The following STPG2 variants were observed in gnomAD, a reference collection of about 807,000 sequenced individuals.
STPG2 encodes the protein sperm tail PG-rich repeat containing 2.
A neutral mutation model predicts 54.2 loss-of-function variants in STPG2; 56 were observed. The ratio of observed to expected loss-of-function variants is 1.03; its 90% CI spans 0.83 to 1.29. STPG2 has a LOEUF of 1.29. STPG2 is among the 50% of genes most tolerant of loss of function. STPG2 has a pLI of 0.00. For synonymous variants in STPG2, 200 were observed against 181.8 expected, an observed-to-expected ratio of 1.10 and a Z score of -0.81; for missense variants, 596 against 544.9, an observed-to-expected ratio of 1.09 and a Z score of -0.93.
At position 97,531,739 on chromosome 4, in the gene STPG2, T is replaced by C. The variant is rs149279850; in HGVS notation, c.462+180960A>G. Among the ~76,000 whole-genome samples, 635 of 152,240 alleles carry C rather than the reference T, an allele frequency of 4.2e-3. 3 individuals are homozygous for C. Among genetic ancestry groups the C allele is most frequent in the South Asian group, 0.021 (99 of 4,828 alleles). On this transcript the variant is annotated intron_variant, in intron 4 of 4. Transcript: ENST00000522676. Reference sequence around the variant, plus strand: ...AGGGTAATGGGGGGATTGGAGGATATGTGGGAATGGTCAATGGGTACAAAA... The same window carrying C: ...AGGGTAATGGGGGGATTGGAGGATACGTGGGAATGGTCAATGGGTACAAAA...
At chr4:97,568,937 T>C (rs1732528025) in intron 10 of STPG2, among the ~76,000 whole-genome samples, 1 of 151,750 alleles carries the variant, frequency 6.6e-6, no homozygotes, top group Non-Finnish European at 1.5e-5. Flanking sequence ...TTTGCAGTTG[T>C]TACTGGAAAG....
chr4:97,738,491 G>A (rs1725102496), intron 9 of STPG2, among the ~76,000 whole-genome samples: 1 of 152,054 alleles, frequency 6.6e-6, no homozygotes, highest in African/African-American at 2.4e-5. Flanking sequence ...GACACACATA[G>A]GCTCAAAATA....
At chr4:97,713,289 T>C (rs1362287215) in intron 9 of STPG2, among the ~76,000 whole-genome samples, 2 of 152,172 alleles carry the variant, frequency 1.3e-5, no homozygotes, top group East Asian at 3.9e-4. Flanking sequence ...AGTAAACAGA[T>C]GGTTTGCATG....
At chr4:97,847,979 AT>A (rs1432447773) in intron 8 of STPG2, among the ~76,000 whole-genome samples, 1 of 152,198 alleles carries the variant, frequency 6.6e-6, no homozygotes, top group African/African-American at 2.4e-5. Flanking sequence ...CTAACTGCTT[AT>A]TTTAGCTTTA....
In STPG2 at chr4:97,950,708, G is replaced by A. The variant is rs145567504; in HGVS notation, c.934-6701C>T. Among the ~76,000 whole-genome samples, 300 of 152,200 alleles carry A rather than the reference G, an allele frequency of 2.0e-3. 1 individual carries two copies. The highest frequency in any genetic ancestry group is 7.0e-3 in the African/African-American group (291 of 41,520). ...ACTTCATCTTTCTTCTGACCTCCAC[G>A]CTGTCCATGTTCATTGCTGGGCATA... On this transcript the variant is annotated intron_variant, in intron 7 of 10. Coordinates refer to ENST00000295268, the MANE Select transcript of STPG2 (RefSeq NM_174952.3).
At chr4:97,755,194 G>T (rs116149257) in intron 9 of STPG2, among the ~76,000 whole-genome samples, 2 of 151,976 alleles carry the variant, frequency 1.3e-5, no homozygotes, top group African/African-American at 2.4e-5. Flanking sequence ...ATTATATTTT[G>T]TCAGATATAA....
chr4:97,973,773 C>CG (rs1007233174), intron 6 of STPG2, among the ~76,000 whole-genome samples: 1 of 130 alleles, frequency 7.7e-3, no homozygotes, highest in Non-Finnish European at 0.013. Flanking sequence ...AGGGTGCAAG[C>CG]CCAAGCCTTG....
intron 10 of STPG2, among the ~76,000 whole-genome samples, chr4:97,563,295 T>G (rs1236358329): frequency 2.0e-5 from 3 of 150,404 alleles, no homozygotes. Flanking sequence ...GATATCCCCT[T>G]TGTCATTTTT....
intron 10 of STPG2, among the ~76,000 whole-genome samples, chr4:97,584,532 C>A (rs915700717): frequency 3.3e-5 from 5 of 151,914 alleles, no homozygotes. Flanking sequence ...TAACAAAGAT[C>A]AGAGCAGAAC....
chr4:97,900,418 C>T (rs970003335), intron 8 of STPG2, among the ~76,000 whole-genome samples: 7 of 151,898 alleles, frequency 4.6e-5, no homozygotes, highest in Admixed American at 1.3e-4. Context: ...ATCCCATTAC[C>T]GGGTATATTC....
chr4:97,981,374 C>A lies in STPG2; in HGVS notation c.613-56G>T, dbSNP rs556044952. ...GAAAGTATAGTACATTTTGATACTT[C>A]ATGAGTTAAAACCTGCCTTTTGAGT... On this transcript the variant is annotated intron_variant, in intron 5 of 10. Transcript: ENST00000295268. 5 of 1,569,910 alleles carry A rather than the reference C, an allele frequency of 3.2e-6. No homozygotes were observed. The African/African-American group carries it at 4.1e-5, about 13-fold the overall frequency.
chr4:97,535,194 A>C (rs1284854932), intron 4 of STPG2, among the ~76,000 whole-genome samples: 1 of 152,156 alleles, frequency 6.6e-6, no homozygotes, highest in Non-Finnish European at 1.5e-5. Context: ...TAATTTTATA[A>C]AATACTGCCG....
chr4:97,565,188 C>A (rs570296917), intron 10 of STPG2, among the ~76,000 whole-genome samples: 86 of 152,278 alleles, frequency 5.6e-4, no homozygotes, highest in African/African-American at 2.0e-3. Context: ...TTCATTTCAT[C>A]TTCCATCACT....
chr4:97,731,110 T>C (rs1724780678), intron 9 of STPG2, among the ~76,000 whole-genome samples: 1 of 152,210 alleles, frequency 6.6e-6, no homozygotes, highest in Non-Finnish European at 1.5e-5. Flanking sequence ...CACTGATTCT[T>C]TCTCATCTGA....
chr4:97,544,300 T>A (rs948909846), intron 4 of STPG2, among the ~76,000 whole-genome samples: 1 of 152,084 alleles, frequency 6.6e-6, no homozygotes, highest in Non-Finnish European at 1.5e-5. Flanking sequence ...GTATGTGGGC[T>A]TTGCAGATTA....
intron 10 of STPG2, among the ~76,000 whole-genome samples, chr4:97,570,642 T>C (rs920963522): frequency 1.3e-5 from 2 of 152,098 alleles, no homozygotes; most frequent in African/African-American, 4.8e-5. Flanking sequence ...TGGAGTCTTA[T>C]GGAAATGGAG....
At chr4:97,632,578 C>T (rs539922354) in intron 10 of STPG2, among the ~76,000 whole-genome samples, 224 of 152,058 alleles carry the variant, frequency 1.5e-3, no homozygotes, top group African/African-American at 5.1e-3. Context: ...ACACCAAATG[C>T]AGTTTTCAAA....
At chr4:97,978,523 G>A (rs571275345) in intron 6 of STPG2, among the ~76,000 whole-genome samples, 36 of 152,252 alleles carry the variant, frequency 2.4e-4, no homozygotes, top group Non-Finnish European at 4.1e-4. Context: ...TGGAGGGTGG[G>A]AGGAGGGAGA....
chr4:98,101,865 T>TCCCC (rs34686297), intron 5 of STPG2, among the ~76,000 whole-genome samples: 2 of 145,832 alleles, frequency 1.4e-5, no homozygotes, highest in South Asian at 2.2e-4. Flanking sequence ...TTCATTATCT[T>TCCCC]CCCCCTCCCC....
Sources: gnomAD v4.1 joint callset for allele counts (sites outside exome capture counted in the v4.1 genomes callset) on GRCh38, gnomAD v4.1.1 for gene constraint, MANE v1.5 for transcripts, NCBI Gene and HGNC (gene_info 2026-07-23, HGNC 2026-07-21) for gene names.